NAV3: variants seen among roughly 807,000 people sequenced by gnomAD.
The protein encoded by NAV3 is neuron navigator 3, also known as pore membrane and/or filament interacting like protein 1.
NAV3 carries 87 observed loss-of-function variants against 244.7 expected under a neutral mutation model. The ratio of observed to expected loss-of-function variants is 0.36; its 90% confidence interval spans 0.30 to 0.42. The LOEUF (loss-of-function observed/expected upper bound fraction) is 0.42, where lower values mean the gene tolerates loss of function less well. NAV3 is among the 20% of genes least tolerant of loss of function. NAV3 has a pLI of 1.00. For missense variants in NAV3, 2,663 were observed against 2,893.3 expected, an observed-to-expected ratio of 0.92 and a Z score of 1.83; for synonymous variants, 1,126 against 1,042.2, an observed-to-expected ratio of 1.08 and a Z score of -1.55.
intron 2 of NAV3, among the ~76,000 whole-genome samples, chr12:77,630,973 A>G (rs1021658774): frequency 3.3e-5 from 5 of 152,184 alleles, no homozygotes; most frequent in African/African-American, 1.2e-4. Context: ...GGCATACCAC[A>G]CTGTTTCCAT....
intron 1 of NAV3, among the ~76,000 whole-genome samples, chr12:77,938,543 A>G (rs939713357): frequency 6.6e-6 from 1 of 152,156 alleles, no homozygotes; most frequent in Non-Finnish European, 1.5e-5. Flanking sequence ...TACTAGTCTT[A>G]TGATGCCAGT....
chr12:78,048,894 C>A (rs1019012468), intron 9 of NAV3, among the ~76,000 whole-genome samples: 1 of 152,220 alleles, frequency 6.6e-6, no homozygotes, highest in African/African-American at 2.4e-5. Context: ...GGGCTGCTAC[C>A]TTTCTTTCAG....
intron 1 of NAV3, among the ~76,000 whole-genome samples, chr12:77,910,593 A>C (rs1228927210): frequency 2.0e-5 from 3 of 152,140 alleles, no homozygotes; most frequent in Non-Finnish European, 2.9e-5. Flanking sequence ...TTTGACCTGA[A>C]CTTCAGCAAT....
chr12:77,599,428 C>A (rs1339635365), intron 2 of NAV3, among the ~76,000 whole-genome samples: 3 of 151,818 alleles, frequency 2.0e-5, no homozygotes, highest in African/African-American at 7.2e-5. Flanking sequence ...AAAAGTATCA[C>A]TTTTGAATAT....
In NAV3 at chr12:78,148,915, C is replaced by T; in HGVS notation, c.4781C>T (p.Ala1594Val). The T allele has an allele frequency of 3.1e-6, 5 of 1,610,406 alleles. No homozygotes were observed. Among genetic ancestry groups the T allele is most frequent in the Non-Finnish European group, 3.4e-6 (4 of 1,177,444 alleles). The change falls in exon 22 of 40, where the codon GCA becomes GTA. Residue 1594 changes from alanine to valine, a missense_variant. Ala to Val is a moderately conservative substitution (Grantham distance 64). This residue lies in a region of NAV3 where 48 missense variants were observed against 90.0 expected (regional missense o/e 0.53). Coordinates refer to ENST00000397909, the MANE Select transcript of NAV3 (RefSeq NM_001024383.2). ...KVATLTSQLS[A>V]NAHLVAAFEK... The stretch of plus-strand genomic sequence containing the variant: ...GCTACCCTCACATCTCAGCTTTCAG[C>T]AAATGTAAGTCACTTCATTTTTAAA...
chr12:77,593,286 G>GTGTGTC (rs1488484123), intron 2 of NAV3, among the ~76,000 whole-genome samples: 2 of 147,256 alleles, frequency 1.4e-5, no homozygotes, highest in South Asian at 2.1e-4. Context: ...GTGTCTGTGT[G>GTGTGTC]TGTGTGTGTG....
At chr12:77,895,469 T>C (rs1248408187) in intron 1 of NAV3, among the ~76,000 whole-genome samples, 4 of 152,172 alleles carry the variant, frequency 2.6e-5, no homozygotes, top group Non-Finnish European at 4.4e-5. Flanking sequence ...TGCAGCAAGA[T>C]ATAAAACTTA....
intron 12 of NAV3, among the ~76,000 whole-genome samples, chr12:78,086,484 C>A (rs1019809101): frequency 9.2e-5 from 14 of 152,020 alleles, no homozygotes; most frequent in Non-Finnish European, 2.1e-4. Flanking sequence ...TTGTTCCTTG[C>A]AAGAGTATGG....
At chr12:78,148,821 G>T in intron 21 of NAV3, 21 bp from the exon 22 acceptor site, 1 of 1,584,698 alleles carries the variant, frequency 6.3e-7, no homozygotes, top group Non-Finnish European at 8.6e-7. Flanking sequence ...CTATTCCATT[G>T]ATTTTTTTAA....
At chr12:78,045,708 T>C (rs139678279) in intron 9 of NAV3, among the ~76,000 whole-genome samples, 21 of 152,334 alleles carry the variant, frequency 1.4e-4, no homozygotes, top group African/African-American at 4.8e-4. Context: ...CTGTTGTGTC[T>C]TTGCCACGTT....
At chr12:77,773,983 T>G (rs1383233523) in intron 2 of NAV3, among the ~76,000 whole-genome samples, 1 of 152,152 alleles carries the variant, frequency 6.6e-6, no homozygotes, top group Non-Finnish European at 1.5e-5. Flanking sequence ...TGCCAAAAAA[T>G]TATTTTTTTA....
chr12:77,682,999 A>G (rs1874541202), intron 2 of NAV3, among the ~76,000 whole-genome samples: 1 of 152,074 alleles, frequency 6.6e-6, no homozygotes, highest in African/African-American at 2.4e-5. Flanking sequence ...CAATTGCTAT[A>G]CTGAGGCTTT....
intron 2 of NAV3, among the ~76,000 whole-genome samples, chr12:77,656,806 A>T (rs1342062961): frequency 6.6e-6 from 1 of 151,812 alleles, no homozygotes; most frequent in Admixed American, 6.6e-5. Flanking sequence ...TAAGAAACTC[A>T]CTCAAAACCG....
intron 2 of NAV3, among the ~76,000 whole-genome samples, chr12:77,598,666 T>G (rs1378215766): frequency 6.6e-6 from 1 of 151,966 alleles, no homozygotes; most frequent in Non-Finnish European, 1.5e-5. Context: ...GGGAAACCAT[T>G]ACCAGAATCA....
At chr12:77,672,866 G>A (rs184160758) in intron 2 of NAV3, among the ~76,000 whole-genome samples, 2 of 152,210 alleles carry the variant, frequency 1.3e-5, no homozygotes, top group Admixed American at 6.5e-5. Context: ...GTTTTAGTTA[G>A]TGTAAAATTG....
intron 1 of NAV3, among the ~76,000 whole-genome samples, chr12:77,872,066 G>A (rs978329665): frequency 3.3e-5 from 5 of 151,982 alleles, no homozygotes; most frequent in East Asian, 1.9e-4. Context: ...TCATATGTTC[G>A]TCGGCTGCAC....
chr12:77,763,045 C>T lies in NAV3; in HGVS notation c.73-177274C>T, dbSNP rs556890551. 7.2e-5 allele frequency among the ~76,000 whole-genome samples: 11 copies of T among 152,286 alleles called. No homozygotes were observed. In the South Asian group the frequency reaches 2.1e-3, roughly 29 times the overall value. ...TTTAGAGCATGAACATAGAATAACACATTTTCCAACCATATCTTGAACTTT... is the reference window on the plus strand; with the variant it reads ...TTTAGAGCATGAACATAGAATAACATATTTTCCAACCATATCTTGAACTTT... On this transcript the variant is annotated intron_variant, in intron 2 of 8. Coordinates refer to the NAV3 transcript ENST00000550042.
intron 1 of NAV3, among the ~76,000 whole-genome samples, chr12:77,928,766 C>A (rs1435904011): frequency 6.6e-6 from 1 of 152,136 alleles, no homozygotes; most frequent in Non-Finnish European, 1.5e-5. Flanking sequence ...TATTTCCAAT[C>A]TAATAATAGA....
At chr12:77,595,513 A>G (rs192926267) in intron 2 of NAV3, among the ~76,000 whole-genome samples, 14 of 152,300 alleles carry the variant, frequency 9.2e-5, no homozygotes, top group South Asian at 4.1e-4. Flanking sequence ...AAGATTTGCC[A>G]AGAGAGTAGA....
Sources: allele counts gnomAD v4.1 joint callset (sites outside exome capture counted in the v4.1 genomes callset), GRCh38; gene constraint gnomAD v4.1.1; regional missense constraint gnomAD v4.1.1; transcripts MANE v1.5; gene names NCBI Gene and HGNC (gene_info 2026-07-23, HGNC 2026-07-21).